ARMC9: variants seen among roughly 807,000 people sequenced by gnomAD.
ARMC9 encodes the protein armadillo repeat containing 9.
Under a neutral mutation model 107.0 loss-of-function variants are expected in ARMC9, and 94 were observed. That is an observed-to-expected ratio of 0.88 (90% CI 0.74 to 1.04). The LOEUF (loss-of-function observed/expected upper bound fraction) is 1.04. Among genes scored for constraint, ARMC9 ranks in the 50% least tolerant of loss-of-function variants. ARMC9 has a pLI of 0.00. For missense variants in ARMC9, 942 were observed against 1,030.1 expected (o/e 0.91, Z 1.17); for synonymous variants, 380 against 396.9 (o/e 0.96, Z 0.51).
chr2:231,222,654 A>G (rs571635238), intron 5 of ARMC9, 74 bp from the exon 6 acceptor site: 3 of 826,646 alleles, frequency 3.6e-6, no homozygotes, highest in Non-Finnish European at 3.8e-6. Context: ...TTTTTAGCCT[A>G]ATGACCTCAA....
At chr2:231,287,662 A>G (rs1303699832) in intron 17 of ARMC9, among the ~76,000 whole-genome samples, 2 of 152,106 alleles carry the variant, frequency 1.3e-5, no homozygotes, top group African/African-American at 2.4e-5. Context: ...ATTACATGTC[A>G]TGTAATCTCA....
intron 17 of ARMC9, among the ~76,000 whole-genome samples, chr2:231,288,974 A>T (rs866770086): frequency 3.9e-5 from 6 of 152,240 alleles, no homozygotes; most frequent in Middle Eastern, 3.4e-3. Flanking sequence ...CTTTTTGCAC[A>T]CTGCTTGTAT....
At chr2:231,222,883 A>T in intron 6 of ARMC9, 63 bp downstream of exon 6, 1 of 1,102,066 alleles carries the variant, frequency 9.1e-7, no homozygotes, top group East Asian at 2.4e-5. Context: ...TTAGAGTTGC[A>T]CGCTGGCTTA....
intron 9 of ARMC9, among the ~76,000 whole-genome samples, chr2:231,252,159 CGGAAAAAGGAGAAT>C (rs1167566643): frequency 1.3e-5 from 2 of 151,936 alleles, no homozygotes; most frequent in Non-Finnish European, 2.9e-5. Context: ...TTTTTGGCTA[CGGAAAAAGGAGAAT>C]GTTGATAAAT....
chr2:231,272,192 T>G (rs2039386918), intron 13 of ARMC9, among the ~76,000 whole-genome samples: 1 of 144,260 alleles, frequency 6.9e-6, no homozygotes, highest in Non-Finnish European at 1.5e-5. Flanking sequence ...GTTTGGTTTT[T>G]TTTTTTTTTT....
At position 231,206,297 on chromosome 2, in the gene ARMC9, T is replaced by A. The variant is rs1459107569; in HGVS notation, c.51+8T>A. 8 of 1,611,690 alleles carry A rather than the reference T, an allele frequency of 5.0e-6. No homozygotes were observed. The highest frequency in any genetic ancestry group is 3.3e-4 in the Middle Eastern group (2 of 6,082). ...CTTGGACTAGTGAAAGAGGTAGGTATATTATACAAAGCAGAGGTCACAGAG... is the reference window on the plus strand; with the variant it reads ...CTTGGACTAGTGAAAGAGGTAGGTAAATTATACAAAGCAGAGGTCACAGAG... On this transcript the variant is annotated splice_region_variant and intron_variant, in intron 2 of 24. Transcript: ENST00000611582.
At chr2:231,256,720 G>C in intron 10 of ARMC9, 100 bp downstream of exon 10, 1 of 1,298,696 alleles carries the variant, frequency 7.7e-7, no homozygotes, top group Non-Finnish European at 1.1e-6. Flanking sequence ...CTAGGTTAGA[G>C]GAATGCCTTT....
intron 3 of ARMC9, among the ~76,000 whole-genome samples, chr2:231,214,115 T>G (rs1018323819): frequency 6.6e-6 from 1 of 152,222 alleles, no homozygotes; most frequent in African/African-American, 2.4e-5. Flanking sequence ...TAGTGCATGC[T>G]GAATCATGAT....
chr2:231,247,887 C>T (rs142066406), intron 9 of ARMC9, among the ~76,000 whole-genome samples: 56 of 152,278 alleles, frequency 3.7e-4, no homozygotes, highest in African/African-American at 1.3e-3. Flanking sequence ...ACTGAGATCA[C>T]GCCATTGCAC....
At chr2:231,334,154 A>G (rs1475670487) in intron 20 of ARMC9, among the ~76,000 whole-genome samples, 1 of 152,264 alleles carries the variant, frequency 6.6e-6, no homozygotes, top group Non-Finnish European at 1.5e-5. Context: ...GTACTGAGAA[A>G]CACAGAAAGA....
At chr2:231,221,830 CAAAAAAA>C (rs61031104) in intron 5 of ARMC9, among the ~76,000 whole-genome samples, 3 of 74,090 alleles carry the variant, frequency 4.0e-5, no homozygotes, top group Non-Finnish European at 7.7e-5. Flanking sequence ...GACTCTGTCT[CAAAAAAA>C]AAAAAAAAAA....
At chr2:231,314,332 C>G (rs1478468453) in intron 19 of ARMC9, among the ~76,000 whole-genome samples, 2 of 152,174 alleles carry the variant, frequency 1.3e-5, no homozygotes, top group African/African-American at 4.8e-5. Flanking sequence ...GCCGCCTTGG[C>G]CTCCCAAAGT....
At chr2:231,211,640 G>C (rs932475460) in intron 3 of ARMC9, among the ~76,000 whole-genome samples, 6 of 152,120 alleles carry the variant, frequency 3.9e-5, no homozygotes, top group African/African-American at 7.2e-5. Flanking sequence ...TGGATCATAT[G>C]GTAGTTCTAT....
chr2:231,343,983 A>G (rs2125582195), intron 20 of ARMC9, among the ~76,000 whole-genome samples: 1 of 152,220 alleles, frequency 6.6e-6, no homozygotes, highest in African/African-American at 2.4e-5. Context: ...TTTCTGCATA[A>G]CCTGTTCTTT....
chr2:231,261,827 CT>C lies in ARMC9; in HGVS notation c.1027-466del, dbSNP rs776868487. 4.5e-3 allele frequency among the ~76,000 whole-genome samples: 649 copies of C among 144,816 alleles called. 4 individuals are homozygous for C. Among genetic ancestry groups the C allele is most frequent in the African/African-American group, 0.012 (485 of 39,792 alleles). On this transcript the variant is annotated intron_variant, in intron 11 of 24. Coordinates refer to ENST00000611582, the MANE Select transcript of ARMC9 (RefSeq NM_001352754.2). ...GTCACCCATTAGGACATCACAGGTT[CT>C]TTTTTTTTTTTTGAGACCGAGTCTT...
intron 9 of ARMC9, 69 bp from the exon 10 acceptor site, chr2:231,256,517 T>C (rs370482100): frequency 1.9e-6 from 3 of 1,557,336 alleles, no homozygotes; most frequent in Non-Finnish European, 2.7e-6. Context: ...GCTATTAGGG[T>C]GATTTGGGAT....
intron 5 of ARMC9, among the ~76,000 whole-genome samples, chr2:231,220,246 A>G (rs2033973364): frequency 6.6e-6 from 1 of 151,734 alleles, no homozygotes; most frequent in Admixed American, 6.6e-5. Flanking sequence ...GTTTATTGAA[A>G]TTGCTGGGAC....
intron 20 of ARMC9, among the ~76,000 whole-genome samples, chr2:231,344,736 G>T (rs1439459827): frequency 6.6e-6 from 1 of 152,062 alleles, no homozygotes; most frequent in East Asian, 1.9e-4. Context: ...CCTTTTCCTA[G>T]GGTTTGACTT....
intron 16 of ARMC9, among the ~76,000 whole-genome samples, chr2:231,279,511 C>CTTTTTTTTTTTTTT (rs57779512): frequency 8.0e-6 from 1 of 124,808 alleles, no homozygotes; most frequent in Admixed American, 8.2e-5. Flanking sequence ...TTTCTTTTTT[C>CTTTTTTTTTTTTTT]TTTTTTTTTT....
Sources: allele counts gnomAD v4.1 joint callset (sites outside exome capture counted in the v4.1 genomes callset), GRCh38; gene constraint gnomAD v4.1.1; transcripts MANE v1.5; gene names NCBI Gene and HGNC (gene_info 2026-07-23, HGNC 2026-07-21).